PIH1D2: variants seen among roughly 807,000 people sequenced by gnomAD.
PIH1D2 encodes PIH1 domain-containing protein 2.
In PIH1D2, 25 loss-of-function variants were observed where a neutral mutation model predicts 31.2. The ratio of observed to expected loss-of-function variants is 0.80; its 90% CI spans 0.58 to 1.12. The LOEUF is 1.12. PIH1D2 is among the 50% of genes most tolerant of loss of function. The pLI is 0.00. For synonymous variants in PIH1D2, 116 were observed against 119.9 expected (o/e 0.97, Z 0.21); for missense variants, 310 against 356.6 (o/e 0.87, Z 1.05).
the PIH1D2 span, among the ~76,000 whole-genome samples, chr11:112,054,173 A>C: frequency 6.6e-6 from 1 of 151,354 alleles, no homozygotes; most frequent in East Asian, 1.9e-4. Context: ...AAAAATAGCT[A>C]GGTATGGTGG....
chr11:112,063,486 G>A (rs1212326568), downstream of PIH1D2: 2 of 152,558 alleles, frequency 1.3e-5, no homozygotes, highest in Non-Finnish European at 2.9e-5. Context: ...ATGTGCCAAA[G>A]TCCATTTATC....
downstream of PIH1D2, among the ~76,000 whole-genome samples, chr11:112,064,689 G>T (rs1264722670): frequency 1.3e-5 from 2 of 152,010 alleles, no homozygotes; most frequent in East Asian, 3.9e-4. Flanking sequence ...GGTATCCCAA[G>T]GCATGGTCTA....
At chr11:112,065,946 C>A (rs1463722077), downstream of PIH1D2, among the ~76,000 whole-genome samples, 1 of 151,408 alleles carries the variant, frequency 6.6e-6, no homozygotes, top group Non-Finnish European at 1.5e-5. Context: ...TGCAGTGAGC[C>A]AAGATCGCGC....
rs1555184999 is a variant in PIH1D2, at chr11:112,072,988, C to T, written c.177+10G>A. Reference sequence around the variant, plus strand: ...AAGACCTCCCCATCCCTGGCACCAACTCGACATACCAGAATCCTGGTCTGT... The same window carrying T: ...AAGACCTCCCCATCCCTGGCACCAATTCGACATACCAGAATCCTGGTCTGT... On this transcript the variant is annotated intron_variant, in intron 2 of 5. Coordinates refer to ENST00000280350, the MANE Select transcript of PIH1D2 (RefSeq NM_138789.4). 1.3e-6 allele frequency: 2 copies of T among 1,589,066 alleles called. No individual in the cohort carries two copies. The highest frequency in any genetic ancestry group is 1.7e-6 in the Non-Finnish European group (2 of 1,163,332).
downstream of PIH1D2, chr11:112,064,351 G>C: frequency 1.4e-6 from 1 of 727,690 alleles, no homozygotes; most frequent in Non-Finnish European, 2.1e-6. Flanking sequence ...AGTGTTTTTG[G>C]TTCATATGAT....
chr11:112,061,070 G>T, downstream of PIH1D2: 2 of 1,611,174 alleles, frequency 1.2e-6, no homozygotes, highest in African/African-American at 2.7e-5. Flanking sequence ...ATTTAGGAAT[G>T]TTTGGAATTA....
chr11:112,067,944 A>G lies in PIH1D2; in HGVS notation c.875T>C (p.Ile292Thr), dbSNP rs762647526. Residue 292 changes from isoleucine to threonine, a missense_variant, in exon 6 of 6, where the codon ATT (isoleucine) becomes ACT (threonine). By Grantham distance (89) the Ile-to-Thr change is moderately conservative. Transcript: ENST00000280350. Reference sequence around the variant, plus strand: ...TTTTGCTGTGGTCATTTCAGTATCAATAAGTTTTGGAAGATTCAGATGTAA... The same window carrying G: ...TTTTGCTGTGGTCATTTCAGTATCAGTAAGTTTTGGAAGATTCAGATGTAA... ...YRLHLNLPKLIDTEMTTAKFI... is the reference protein window; with the variant it reads ...YRLHLNLPKLTDTEMTTAKFI... The G allele has an allele frequency of 2.9e-5, 46 of 1,608,920 alleles. No individual in the cohort carries two copies. Among genetic ancestry groups the G allele is most frequent in the Non-Finnish European group, 3.6e-5 (42 of 1,175,952 alleles).
At chr11:112,066,134 G>A (rs922262258), downstream of PIH1D2, among the ~76,000 whole-genome samples, 4 of 152,110 alleles carry the variant, frequency 2.6e-5, no homozygotes, top group Non-Finnish European at 5.9e-5. Context: ...TTTATTACAA[G>A]GATAATTAAA....
At chr11:112,071,842 G>A (rs1013346708) in intron 2 of PIH1D2, 84 bp from the exon 3 acceptor site, 9 of 1,485,088 alleles carry the variant, frequency 6.1e-6, no homozygotes, top group South Asian at 1.2e-5. Context: ...CCTGTAATCC[G>A]AGCACTTTGG....
At chr11:112,065,772 G>C (rs1345928065), downstream of PIH1D2, among the ~76,000 whole-genome samples, 2 of 152,222 alleles carry the variant, frequency 1.3e-5, no homozygotes, top group Non-Finnish European at 2.9e-5. Context: ...CTTGAGGTCA[G>C]GAGTTTAAGA....
At chr11:112,062,954 A>G (rs9371), downstream of PIH1D2, 82,165 of 165,156 alleles carry the variant, frequency 0.5, 22,935 homozygotes, top group African/African-American at 0.78. Flanking sequence ...GAGAAATCAG[A>G]AAAATTAATT....
At chr11:112,060,055 A>G (rs371817260), downstream of PIH1D2, 5 of 1,613,576 alleles carry the variant, frequency 3.1e-6, no homozygotes, top group African/African-American at 4.0e-5. Context: ...CTACAGCCAC[A>G]TGAATTCCAG....
At position 112,071,711 on chromosome 11, in the gene PIH1D2, C is replaced by T; in HGVS notation, c.225G>A (p.Arg75=). The T allele has an allele frequency of 6.2e-7, 1 of 1,613,794 alleles. No individual in the cohort carries two copies. The highest frequency in any genetic ancestry group is 8.5e-7 in the Non-Finnish European group (1 of 1,179,692). The part of the protein sequence containing the change: ...ILFINLCQWT[R]IPAPQSTTHP... ...GAGTGGTTGATTGGGGAGCTGGGAT[C>T]CTTGTCCACTGACACAGGTTGATAA... Residue 75 remains arginine, a synonymous_variant, in exon 3 of 6, where the codon AGG becomes AGA. Transcript: ENST00000280350.
chr11:112,070,803 C>G (rs1185240542), intron 4 of PIH1D2, 102 bp from the exon 5 acceptor site: 1 of 1,337,266 alleles, frequency 7.5e-7, no homozygotes, highest in African/African-American at 1.5e-5. Context: ...GTAGATAAAG[C>G]TGCAGTTAAA....
chr11:112,065,810 GTC>G (rs1555183778), downstream of PIH1D2, among the ~76,000 whole-genome samples: 1 of 152,100 alleles, frequency 6.6e-6, no homozygotes, highest in Non-Finnish European at 1.5e-5. Context: ...ATGAGACCCA[GTC>G]TCTACTGAAA....
At chr11:112,062,856 A>G, downstream of PIH1D2, 1 of 334,892 alleles carries the variant, frequency 3.0e-6, no homozygotes, top group Non-Finnish European at 5.8e-6. Flanking sequence ...GTGGTTCCCT[A>G]AAGACAAGTA....
chr11:112,063,615 A>C (rs782430826), downstream of PIH1D2: 1 of 152,328 alleles, frequency 6.6e-6, no homozygotes, highest in Non-Finnish European at 1.5e-5. Flanking sequence ...GTGTGTAAAA[A>C]AGTGTTCTGT....
At chr11:112,060,566 T>C (rs1864524165), downstream of PIH1D2, among the ~76,000 whole-genome samples, 1 of 152,128 alleles carries the variant, frequency 6.6e-6, no homozygotes, top group South Asian at 2.1e-4. Context: ...GCAATTCTCC[T>C]ACCTCTGCCT....
At chr11:112,062,549 T>C, downstream of PIH1D2, 2 of 1,611,958 alleles carry the variant, frequency 1.2e-6, no homozygotes, top group Non-Finnish European at 8.5e-7. Flanking sequence ...ACTCAAGAAT[T>C]TCTAAACTCT....
Sources: gnomAD v4.1 joint callset for allele counts (sites outside exome capture counted in the v4.1 genomes callset) on GRCh38, gnomAD v4.1.1 for gene constraint, MANE v1.5 for transcripts, NCBI Gene and HGNC (gene_info 2026-07-23, HGNC 2026-07-21) for gene names.